The following RAB10 variants were observed in gnomAD, a reference collection of about 807,000 sequenced individuals.
RAB10 encodes the protein RAB10, member RAS oncogene family.
A neutral mutation model predicts 25.7 loss-of-function variants in RAB10; 5 were observed. That is an observed-to-expected ratio of 0.19 (90% confidence interval 0.10 to 0.41). The LOEUF is 0.41. RAB10 is among the 10% of genes least tolerant of loss of function. The probability of loss-of-function intolerance (pLI) is 1.00; values close to 1 mark genes in which losing one functional copy is unlikely to be tolerated. For missense variants in RAB10, 103 were observed against 245.8 expected (o/e 0.42, Z 3.89); for synonymous variants, 89 against 86.4 (o/e 1.03, Z -0.16).
intron 3 of RAB10, among the ~76,000 whole-genome samples, chr2:26,115,122 C>T (rs1183611275): frequency 6.6e-6 from 1 of 152,032 alleles, no homozygotes; most frequent in East Asian, 1.9e-4. Flanking sequence ...AAATTGTAAC[C>T]CTCATATATT....
At chr2:26,079,953 C>T (rs554584676) in intron 1 of RAB10, among the ~76,000 whole-genome samples, 1 of 152,302 alleles carries the variant, frequency 6.6e-6, no homozygotes, top group South Asian at 2.1e-4. Context: ...AGCCACTGCT[C>T]CCGGCTTAAA....
intron 3 of RAB10, among the ~76,000 whole-genome samples, chr2:26,113,965 A>G (rs1019203559): frequency 1.3e-5 from 2 of 152,180 alleles, no homozygotes; most frequent in African/African-American, 2.4e-5. Flanking sequence ...TAAAAATTAC[A>G]TTGAGAATAA....
chr2:26,034,452 C>T lies in RAB10; in HGVS notation c.-157C>T. ...TGGACGCCGCCACTGTCGGGGCTTCCTCAAAGCTGTTCGTAGGTCGCCCGC... is the reference window on the plus strand; with the variant it reads ...TGGACGCCGCCACTGTCGGGGCTTCTTCAAAGCTGTTCGTAGGTCGCCCGC... On this transcript the variant is annotated 5_prime_UTR_variant, in exon 1 of 6. Transcript: ENST00000264710. 9.9e-7 allele frequency: 1 copy of T among 1,013,978 alleles called. No homozygotes were observed. Among genetic ancestry groups the T allele is most frequent in the Non-Finnish European group, 1.4e-6 (1 of 708,580 alleles). The allele number at this position is 1,013,978 out of a possible 1,614,324, so 62.8% of individuals were successfully genotyped here.
intron 1 of RAB10, among the ~76,000 whole-genome samples, chr2:26,081,913 A>AT (rs1319665740): frequency 1.3e-5 from 2 of 152,158 alleles, no homozygotes; most frequent in African/African-American, 2.4e-5. Flanking sequence ...AGCTGAGAGA[A>AT]TTTTTTACCT....
At chr2:26,127,059 A>G in intron 3 of RAB10, 85 bp from the exon 4 acceptor site, 1 of 1,023,874 alleles carries the variant, frequency 9.8e-7, no homozygotes, top group Non-Finnish European at 1.4e-6. Context: ...ATGACCCTCT[A>G]AATTGAGAGA....
intron 1 of RAB10, among the ~76,000 whole-genome samples, chr2:26,072,952 A>G (rs1222630178): frequency 6.6e-6 from 1 of 152,210 alleles, no homozygotes; most frequent in African/African-American, 2.4e-5. Context: ...GTTTGTTGAG[A>G]TCCTCAGGAA....
intron 1 of RAB10, among the ~76,000 whole-genome samples, chr2:26,097,652 A>G (rs1667252151): frequency 6.6e-6 from 1 of 152,212 alleles, no homozygotes. Flanking sequence ...CTCAGTCTGC[A>G]CTTGAAAATG....
intron 1 of RAB10, among the ~76,000 whole-genome samples, chr2:26,065,870 G>A (rs561391741): frequency 6.6e-6 from 1 of 152,162 alleles, no homozygotes; most frequent in East Asian, 1.9e-4. Context: ...TATGAGTAAT[G>A]TATACTCCAT....
At chr2:26,095,277 C>A (rs1249684055) in intron 1 of RAB10, among the ~76,000 whole-genome samples, 1 of 152,126 alleles carries the variant, frequency 6.6e-6, no homozygotes, top group East Asian at 1.9e-4. Context: ...GCCTCCAGAC[C>A]TAGACCTTTC....
At chr2:26,106,480 C>A (rs985143460) in intron 2 of RAB10, among the ~76,000 whole-genome samples, 2 of 152,166 alleles carry the variant, frequency 1.3e-5, no homozygotes, top group Admixed American at 1.3e-4. Context: ...AAAAGCAATT[C>A]AATGGAGCAA....
intron 3 of RAB10, among the ~76,000 whole-genome samples, chr2:26,122,586 C>T (rs1181683494): frequency 1.3e-5 from 2 of 151,398 alleles, no homozygotes; most frequent in Admixed American, 6.6e-5. Flanking sequence ...TGAGATCACA[C>T]CACTGCACTC....
At chr2:26,122,851 G>T (rs1219891533) in intron 3 of RAB10, among the ~76,000 whole-genome samples, 4 of 152,104 alleles carry the variant, frequency 2.6e-5, no homozygotes, top group Middle Eastern at 6.8e-3. Flanking sequence ...CCTGGGCACC[G>T]CTGAACAAGT....
intron 1 of RAB10, among the ~76,000 whole-genome samples, chr2:26,065,866 T>G (rs187447186): frequency 1.1e-3 from 165 of 152,342 alleles, no homozygotes; most frequent in African/African-American, 3.9e-3. Flanking sequence ...TAGTTATGAG[T>G]AATGTATACT....
chr2:26,076,116 T>A (rs1666728004), intron 1 of RAB10, among the ~76,000 whole-genome samples: 1 of 152,188 alleles, frequency 6.6e-6, no homozygotes, highest in African/African-American at 2.4e-5. Context: ...GGGCTGTTTA[T>A]GTACCCAGGC....
chr2:26,082,038 A>C (rs1416517427), intron 1 of RAB10, among the ~76,000 whole-genome samples: 2 of 152,192 alleles, frequency 1.3e-5, no homozygotes, highest in Admixed American at 6.5e-5. Flanking sequence ...AAATGTGTGG[A>C]AATAGAAAAT....
At chr2:26,034,791 A>G (rs2149259017) in intron 1 of RAB10, 56 bp downstream of exon 1, 1 of 1,589,036 alleles carries the variant, frequency 6.3e-7, no homozygotes, top group Non-Finnish European at 8.6e-7. Flanking sequence ...CGTTTATTTT[A>G]CTCCAGACAT....
At position 26,127,936 on chromosome 2, in the gene RAB10, A is replaced by G; in HGVS notation, c.504A>G (p.Glu168=). Residue 168 remains glutamate, a synonymous_variant, in exon 5 of 6, where the codon GAA becomes GAG. Coordinates refer to ENST00000264710, the MANE Select transcript of RAB10 (RefSeq NM_016131.5). ...AAAAGGCGTTCCTCACGTTAGCTGA[A>G]GATATCCTTCGAAAGGTAAGTTCCT... The part of the protein sequence containing the change: ...NIEKAFLTLA[E]DILRKTPVKE... 1.9e-6 allele frequency: 3 copies of G among 1,601,732 alleles called. No individual in the cohort carries two copies. Among genetic ancestry groups the G allele is most frequent in the Non-Finnish European group, 2.6e-6 (3 of 1,168,760 alleles).
At chr2:26,036,322 T>C (rs910840459) in intron 1 of RAB10, among the ~76,000 whole-genome samples, 3 of 152,156 alleles carry the variant, frequency 2.0e-5, no homozygotes, top group African/African-American at 7.2e-5. Context: ...GTGGCTAGTC[T>C]AAATCGTGAG....
intron 1 of RAB10, among the ~76,000 whole-genome samples, chr2:26,097,629 C>G (rs1180312903): frequency 6.6e-6 from 1 of 152,142 alleles, no homozygotes; most frequent in African/African-American, 2.4e-5. Flanking sequence ...CTTATGTTTT[C>G]TCTTGATACA....
Sources: allele counts gnomAD v4.1 joint callset (sites outside exome capture counted in the v4.1 genomes callset), GRCh38; gene constraint gnomAD v4.1.1; transcripts MANE v1.5; gene names NCBI Gene and HGNC (gene_info 2026-07-23, HGNC 2026-07-21).